Variants in SLC25A31 observed in about 807,000 individuals in gnomAD.
SLC25A31 encodes the protein solute carrier family 25 member 31, also known as ADP/ATP translocase 4.
In SLC25A31, 40 loss-of-function variants were observed where a neutral mutation model predicts 36.2. The ratio of observed to expected loss-of-function variants is 1.10; its 90% confidence interval spans 0.86 to 1.44. The LOEUF is 1.44. SLC25A31 is among the 40% of genes most tolerant of loss of function. The pLI is 0.00. For missense variants in SLC25A31, 350 were observed against 397.1 expected (o/e 0.88, Z 1.01); for synonymous variants, 143 against 149.7 (o/e 0.96, Z 0.32).
At chr4:127,750,138 A>G (rs1403050535) in intron 2 of SLC25A31, among the ~76,000 whole-genome samples, 1 of 152,194 alleles carries the variant, frequency 6.6e-6, no homozygotes, top group Admixed American at 6.5e-5. Context: ...GGCAAAAGCT[A>G]AAGGAGTTCA....
At chr4:127,743,633 A>C (rs1369194036) in intron 1 of SLC25A31, among the ~76,000 whole-genome samples, 1 of 152,222 alleles carries the variant, frequency 6.6e-6, no homozygotes, top group African/African-American at 2.4e-5. Context: ...GGAGTCAGCT[A>C]TGAGTACTGA....
chr4:127,732,088 T>C (rs911372850), intron 1 of SLC25A31, among the ~76,000 whole-genome samples: 1 of 152,262 alleles, frequency 6.6e-6, no homozygotes, highest in Non-Finnish European at 1.5e-5. Context: ...GTCTATCAGA[T>C]ATTTTATATA....
chr4:127,730,784 C>G lies in SLC25A31; in HGVS notation c.232+7C>G. The G allele has an allele frequency of 6.3e-7, 1 of 1,598,684 alleles. No individual in the cohort carries two copies. Among genetic ancestry groups the G allele is most frequent in the Non-Finnish European group, 8.6e-7 (1 of 1,169,028 alleles). ...CGGATTCCTCGCGAGCAGGGTGCGTCAAGGCAGGCCGCCCCGACAGCCTCT... is the reference window on the plus strand; with the variant it reads ...CGGATTCCTCGCGAGCAGGGTGCGTGAAGGCAGGCCGCCCCGACAGCCTCT... On this transcript the variant is annotated splice_region_variant and intron_variant, in intron 1 of 5. Coordinates refer to ENST00000281154, the MANE Select transcript of SLC25A31 (RefSeq NM_031291.4).
intron 2 of SLC25A31, among the ~76,000 whole-genome samples, chr4:127,757,747 C>T (rs566139493): frequency 6.6e-6 from 1 of 152,340 alleles, no homozygotes; most frequent in Admixed American, 6.5e-5. Context: ...TTCCCACCAA[C>T]AATGTATAAG....
chr4:127,740,072 A>G (rs1490100988), intron 1 of SLC25A31, among the ~76,000 whole-genome samples: 2 of 151,694 alleles, frequency 1.3e-5, no homozygotes, highest in African/African-American at 2.4e-5. Context: ...CTGAGTTTCC[A>G]TTTTGGCTAG....
At chr4:127,747,239 T>C (rs1276078782) in intron 2 of SLC25A31, among the ~76,000 whole-genome samples, 1 of 152,018 alleles carries the variant, frequency 6.6e-6, no homozygotes, top group Non-Finnish European at 1.5e-5. Context: ...TTTGTTTGGC[T>C]ATTCGGGCTC....
intron 2 of SLC25A31, among the ~76,000 whole-genome samples, chr4:127,753,491 C>T (rs1356378861): frequency 6.6e-6 from 1 of 151,990 alleles, no homozygotes; most frequent in Non-Finnish European, 1.5e-5. Context: ...TAGCTGAAAC[C>T]TAGAAATGCA....
At chr4:127,764,811 G>T (rs1029042283) in intron 3 of SLC25A31, among the ~76,000 whole-genome samples, 2 of 150,898 alleles carry the variant, frequency 1.3e-5, no homozygotes, top group Admixed American at 6.7e-5. Flanking sequence ...TTTTGAGAAA[G>T]AGTGAAAAAA....
intron 2 of SLC25A31, among the ~76,000 whole-genome samples, 181 bp downstream of exon 2, chr4:127,744,980 A>G (rs1731798840): frequency 6.6e-6 from 1 of 152,148 alleles, no homozygotes; most frequent in Non-Finnish European, 1.5e-5. Flanking sequence ...AAAAAATAGT[A>G]AGTGTTTATT....
intron 2 of SLC25A31, among the ~76,000 whole-genome samples, chr4:127,752,392 G>A (rs568529095): frequency 6.6e-6 from 1 of 152,094 alleles, no homozygotes; most frequent in South Asian, 2.1e-4. Context: ...ACACAGGAAG[G>A]GGAACATCAC....
intron 2 of SLC25A31, among the ~76,000 whole-genome samples, chr4:127,762,540 T>C (rs1341857058): frequency 6.6e-6 from 1 of 152,164 alleles, no homozygotes; most frequent in Non-Finnish European, 1.5e-5. Flanking sequence ...AACAATTGAA[T>C]TGTACGCTTT....
chr4:127,757,775 CAT>C (rs757104077), intron 2 of SLC25A31, among the ~76,000 whole-genome samples: 1 of 152,166 alleles, frequency 6.6e-6, no homozygotes, highest in Non-Finnish European at 1.5e-5. Context: ...TTTTTTTACA[CAT>C]GACTGACATA....
rs866409198 is a variant in SLC25A31 at position 127,735,876 on chromosome 4, A to T, written c.232+5099A>T. Among the ~76,000 whole-genome samples, 606 of 73,714 alleles carry T rather than the reference A, an allele frequency of 8.2e-3. 13 individuals carry two copies. The highest frequency in any genetic ancestry group is 0.027 in the African/African-American group (569 of 20,954). 48.4% of individuals were successfully genotyped at this position (73,714 alleles called of 152,430 possible). A position where few individuals can be genotyped will look rare whatever the true frequency, so the allele number is the denominator to read the frequency against. On this transcript the variant is annotated intron_variant, in intron 1 of 5. Transcript: ENST00000281154. ...TGCCTAACATTCTTTTATTTTATTT[A>T]TTTATTTATTTATTTATTTATTTTT...
At position 127,773,401 on chromosome 4, in the gene SLC25A31, C is replaced by A. The variant is rs533689186; in HGVS notation, c.775C>A (p.Arg259=). Residue 259 remains arginine, a synonymous_variant, in exon 6 of 6, where the codon CGG becomes AGG. Transcript: ENST00000281154. ...CTTTGTATAGAGTGGTGAGGCTAAA[C>A]GGCAATATAAAGGAACCTTAGACTG... ...RMMMQSGEAK[R]QYKGTLDCFV... 2.5e-6 allele frequency: 4 copies of A among 1,611,932 alleles called. No homozygotes were observed. The South Asian group carries it at 4.4e-5, about 18-fold the overall frequency.
chr4:127,772,423 A>G (rs565659125), intron 5 of SLC25A31, among the ~76,000 whole-genome samples: 1 of 152,290 alleles, frequency 6.6e-6, no homozygotes, highest in African/African-American at 2.4e-5. Flanking sequence ...CATTTCTGAT[A>G]ATCTTGGGGC....
intron 2 of SLC25A31, among the ~76,000 whole-genome samples, chr4:127,754,758 A>T (rs1018779456): frequency 7.9e-5 from 12 of 152,158 alleles, no homozygotes; most frequent in African/African-American, 2.7e-4. Flanking sequence ...AAAATAATCT[A>T]CAGATGCAGT....
chr4:127,748,813 A>G (rs950663395), intron 2 of SLC25A31, among the ~76,000 whole-genome samples: 1 of 152,194 alleles, frequency 6.6e-6, no homozygotes, highest in African/African-American at 2.4e-5. Flanking sequence ...AGACTGCAAG[A>G]AAAGTTTGGT....
chr4:127,734,324 CAG>C (rs1037195753), intron 1 of SLC25A31, among the ~76,000 whole-genome samples: 1 of 152,160 alleles, frequency 6.6e-6, no homozygotes, highest in African/African-American at 2.4e-5. Context: ...CTTTGGGAGG[CAG>C]AGGTGGGCAG....
intron 1 of SLC25A31, among the ~76,000 whole-genome samples, chr4:127,737,372 T>C (rs970993552): frequency 1.3e-5 from 2 of 152,242 alleles, no homozygotes; most frequent in African/African-American, 2.4e-5. Flanking sequence ...CAAATGGTTT[T>C]ATTCGTGCAA....
Sources: allele counts gnomAD v4.1 joint callset (sites outside exome capture counted in the v4.1 genomes callset), GRCh38; gene constraint gnomAD v4.1.1; transcripts MANE v1.5; gene names NCBI Gene and HGNC (gene_info 2026-07-23, HGNC 2026-07-21).